STAU1: variants seen among roughly 807,000 people sequenced by gnomAD.
STAU1 encodes double-stranded RNA-binding protein Staufen homolog 1.
In STAU1, 13 loss-of-function variants were observed where a neutral mutation model predicts 62.9. The ratio of observed to expected loss-of-function variants is 0.21; its 90% CI spans 0.13 to 0.33. STAU1 has a LOEUF of 0.33. STAU1 is among the 10% of genes least tolerant of loss of function. STAU1 has a pLI of 1.00. For missense variants in STAU1, 571 were observed against 712.1 expected (o/e 0.80, Z 2.25); for synonymous variants, 269 against 265.1 (o/e 1.01, Z -0.14).
At chr20:49,217,676 A>ATATAT in the STAU1 span, among the ~76,000 whole-genome samples, 6 of 135,910 alleles carry the variant, frequency 4.4e-5, no homozygotes, top group Admixed American at 7.8e-5. Context: ...TTCCTTTTAA[A>ATATAT]ATATATATAT....
rs759727558 is a variant in STAU1 at position 49,165,979 on chromosome 20, T to C, written c.205+18A>G. 6.2e-7 allele frequency: 1 copy of C among 1,612,768 alleles called. No individual in the cohort carries two copies. Among genetic ancestry groups the C allele is most frequent in the Non-Finnish European group, 8.5e-7 (1 of 1,178,768 alleles). Reference sequence around the variant, plus strand: ...AGAAAACATTTGAAATAGAAGACACTTGGATTCATATGCTTACCTGCAGCT... The same window carrying C: ...AGAAAACATTTGAAATAGAAGACACCTGGATTCATATGCTTACCTGCAGCT... On this transcript the variant is annotated intron_variant, in intron 3 of 13. Coordinates refer to ENST00000371856, the MANE Select transcript of STAU1 (RefSeq NM_017453.4).
intron 3 of STAU1, 43 bp downstream of exon 3, chr20:49,165,954 A>C: frequency 7.5e-6 from 12 of 1,600,844 alleles, no homozygotes; most frequent in South Asian, 1.1e-5. Flanking sequence ...AAACAGGGTA[A>C]GAAAACATTT....
the STAU1 span, among the ~76,000 whole-genome samples, chr20:49,201,599 G>A: frequency 4.5e-3 from 683 of 152,032 alleles, 4 homozygotes; most frequent in African/African-American, 0.015. Flanking sequence ...AAAATTAGCC[G>A]GGCGTTGTGG....
At chr20:49,143,390 A>G (rs1021236766) in intron 5 of STAU1, among the ~76,000 whole-genome samples, 4 of 152,266 alleles carry the variant, frequency 2.6e-5, no homozygotes, top group African/African-American at 9.6e-5. Context: ...CCAGGAGTTC[A>G]AAACCAGCCT....
At chr20:49,181,043 T>C (rs564759570) in intron 1 of STAU1, among the ~76,000 whole-genome samples, 9 of 152,288 alleles carry the variant, frequency 5.9e-5, no homozygotes, top group Admixed American at 5.9e-4. Flanking sequence ...GCCTCAGGAC[T>C]CTGAGCCAGT....
At chr20:49,184,736 T>C (rs2093767459) in intron 1 of STAU1, among the ~76,000 whole-genome samples, 1 of 152,180 alleles carries the variant, frequency 6.6e-6, no homozygotes, top group South Asian at 2.1e-4. Context: ...ATGTGTTGTG[T>C]CCTTTCCCAG....
intron 1 of STAU1, among the ~76,000 whole-genome samples, chr20:49,184,598 A>G (rs1213364756): frequency 1.3e-5 from 2 of 152,224 alleles, no homozygotes; most frequent in East Asian, 3.8e-4. Flanking sequence ...ATCTGTATAT[A>G]CATGGACTTT....
rs779653611 is a variant in STAU1 at position 49,117,138 on chromosome 20, G to A, written c.1620C>T (p.Ser540=). The A allele has an allele frequency of 2.5e-6, 4 of 1,614,020 alleles. No homozygotes were observed. The highest frequency in any genetic ancestry group is 2.5e-6 in the Non-Finnish European group (3 of 1,180,030). The change falls in exon 12 of 14, where the codon TCC becomes TCT. Residue 540 remains serine (S), a synonymous_variant. Transcript: ENST00000371856. The surrounding 1 kb of genome is among the most constrained non-coding windows in gnomAD (Gnocchi z 4.6). The part of the protein sequence containing the change: ...ISHGIGKDVE[S]CHDMAALNIL... ...AGGTGTGACGTACCATATCATGGCA[G>A]GACTCCACATCCTTGCCGATACCAT...
At chr20:49,194,489 T>A in the STAU1 span, among the ~76,000 whole-genome samples, 3 of 149,750 alleles carry the variant, frequency 2.0e-5, no homozygotes, top group Non-Finnish European at 4.4e-5. Context: ...CCAGGCATGG[T>A]CACCCATGTC....
rs1037697920 is a variant in STAU1 at position 49,135,938 on chromosome 20, G to C, written c.511-7C>G. 3 of 1,607,468 alleles carry C rather than the reference G, an allele frequency of 1.9e-6. No individual in the cohort carries two copies. The highest frequency in any genetic ancestry group is 2.6e-6 in the Non-Finnish European group (3 of 1,175,350). ...CGGATTCTCTTCCATTCACCTGTAA[G>C]AATAATTGTTTAGTAGTTAGCTCTT... On this transcript the variant is annotated splice_polypyrimidine_tract_variant and splice_region_variant and intron_variant, in intron 5 of 13. Coordinates refer to ENST00000371856, the MANE Select transcript of STAU1 (RefSeq NM_017453.4).
At chr20:49,149,738 C>T (rs775465970) in intron 5 of STAU1, among the ~76,000 whole-genome samples, 1 of 152,192 alleles carries the variant, frequency 6.6e-6, no homozygotes, top group South Asian at 2.1e-4. Flanking sequence ...GGAAACAGAT[C>T]ATCTGTTAGA....
intron 3 of STAU1, among the ~76,000 whole-genome samples, chr20:49,160,476 G>T (rs2093431378): frequency 6.6e-6 from 1 of 152,148 alleles, no homozygotes; most frequent in Admixed American, 6.5e-5. Context: ...AGCTGCAAAA[G>T]ACAACTCCGT....
intron 5 of STAU1, among the ~76,000 whole-genome samples, chr20:49,137,832 ATT>A (rs34370524): frequency 1.2e-3 from 158 of 128,424 alleles, no homozygotes; most frequent in Non-Finnish European, 1.9e-3. Context: ...CACCCGGCTA[ATT>A]TTTTTTTTTT....
chr20:49,172,947 G>A (rs541395312), intron 2 of STAU1, among the ~76,000 whole-genome samples: 29 of 150,704 alleles, frequency 1.9e-4, no homozygotes, highest in African/African-American at 7.1e-4. Flanking sequence ...AAACAATCTC[G>A]GCTCACTGCA....
intron 1 of STAU1, chr20:49,179,055 T>C (rs2093693552): frequency 6.9e-6 from 1 of 145,162 alleles, no homozygotes; most frequent in Non-Finnish European, 1.5e-5. Context: ...CACTCCAGCC[T>C]GGGCGATAGA....
Position 49,117,817 on chromosome 20 carries a change from G to T in STAU1, c.1469C>A (p.Ser490Tyr), listed in dbSNP as rs954777621. ...TCTGGAAAGATAGTCCAGTTGCTCA[G>T]AGGGTCTCGTGAGAGGTCCATGGGG... ...HVPHGPLTRP[S>Y]EQLDYLSRVQ... Residue 490 changes from serine to tyrosine, a missense_variant, in exon 11 of 14, where the codon TCT (serine) becomes TAT (tyrosine). By Grantham distance (144) the Ser-to-Tyr change is moderately radical (BLOSUM62 -2). Around this residue, in one of 3 missense-constraint regions of STAU1, gnomAD observed 156 missense variants for 194.7 expected, o/e 0.80. Transcript: ENST00000371856. This position sits in a 1 kb window ranked among gnomAD's most constrained non-coding sequence, Gnocchi z 4.6. The T allele has an allele frequency of 3.2e-5, 51 of 1,614,016 alleles. No homozygotes were observed. Among genetic ancestry groups the T allele is most frequent in the Non-Finnish European group, 4.3e-5 (51 of 1,179,980 alleles).
intron 2 of STAU1, 72 bp downstream of exon 2, chr20:49,174,123 A>G (rs1475985538): frequency 1.3e-5 from 2 of 152,204 alleles, no homozygotes; most frequent in African/African-American, 4.8e-5. Context: ...TTCTCCACAC[A>G]ACTCATTAAA....
chr20:49,142,716 C>G (rs1019344696), intron 5 of STAU1, among the ~76,000 whole-genome samples: 1 of 152,090 alleles, frequency 6.6e-6, no homozygotes, highest in African/African-American at 2.4e-5. Flanking sequence ...GCCATTGCTT[C>G]CAGAGGAGTA....
intron 13 of STAU1, among the ~76,000 whole-genome samples, chr20:49,115,367 G>A (rs534213241): frequency 9.2e-5 from 14 of 151,982 alleles, no homozygotes; most frequent in African/African-American, 1.2e-4. Flanking sequence ...GTGGCGCTAT[G>A]TCGGCTCACT....
Sources: allele counts gnomAD v4.1 joint callset (sites outside exome capture counted in the v4.1 genomes callset), GRCh38; gene constraint gnomAD v4.1.1; regional missense constraint gnomAD v4.1.1; non-coding constraint Gnocchi (gnomAD v3.1); transcripts MANE v1.5; gene names NCBI Gene and HGNC (gene_info 2026-07-23, HGNC 2026-07-21).